The following ANKS1B variants were observed in gnomAD, a reference collection of about 807,000 sequenced individuals.
ANKS1B encodes ankyrin repeat and sterile alpha motif domain containing 1B.
ANKS1B carries 36 observed loss-of-function variants against 148.3 expected under a neutral mutation model. That is an observed-to-expected ratio of 0.24 (90% CI 0.19 to 0.32). The LOEUF (loss-of-function observed/expected upper bound fraction) is 0.32, where lower values mean the gene tolerates loss of function less well. Ranked by LOEUF, ANKS1B falls within the 10% of genes least tolerant of loss-of-function variation. ANKS1B has a pLI of 1.00. For missense variants in ANKS1B, 1,157 were observed against 1,542.6 expected (o/e 0.75, Z 4.19); for synonymous variants, 542 against 560.8 (o/e 0.97, Z 0.47).
At chr12:99,054,354 A>C (rs531441337) in intron 16 of ANKS1B, among the ~76,000 whole-genome samples, 1 of 152,318 alleles carries the variant, frequency 6.6e-6, no homozygotes, top group African/African-American at 2.4e-5. Flanking sequence ...TTGCGAGCAG[A>C]GAAAAGATTA....
At chr12:98,742,120 T>C (rs1277981635), downstream of ANKS1B, among the ~76,000 whole-genome samples, 1 of 152,230 alleles carries the variant, frequency 6.6e-6, no homozygotes, top group Non-Finnish European at 1.5e-5. Flanking sequence ...AACATGCATA[T>C]TAGCTCATCT....
chr12:99,210,933 C>T (rs1366518313), intron 14 of ANKS1B, among the ~76,000 whole-genome samples: 2 of 152,326 alleles, frequency 1.3e-5, no homozygotes, highest in African/African-American at 4.8e-5. Flanking sequence ...AGCCATCTCT[C>T]AAACTTCAAA....
rs137880406 is a variant in ANKS1B, at chr12:99,954,425, T to C, written c.134+29679A>G. Among the ~76,000 whole-genome samples the C allele has an allele frequency of 3.3e-3, 509 of 152,340 alleles. 7 individuals carry two copies. Among genetic ancestry groups the C allele is most frequent in the African/African-American group, 0.012 (481 of 41,566 alleles). ...CTTTGTCCAAACACTACTCCTCCAC[T>C]ACAATCTAAAATAGTTGCATTTCCA... On this transcript the variant is annotated intron_variant, in intron 1 of 26. Coordinates refer to ENST00000683438, the MANE Select transcript of ANKS1B (RefSeq NM_001352186.2).
chr12:98,878,807 G>A (rs916564438), intron 17 of ANKS1B, among the ~76,000 whole-genome samples: 1 of 152,106 alleles, frequency 6.6e-6, no homozygotes, highest in Non-Finnish European at 1.5e-5. Flanking sequence ...TGGCCAGAGT[G>A]CCCCTTTGAG....
At chr12:98,968,907 T>C (rs1245476959) in intron 17 of ANKS1B, among the ~76,000 whole-genome samples, 5 of 152,188 alleles carry the variant, frequency 3.3e-5, no homozygotes, top group African/African-American at 1.2e-4. Flanking sequence ...AAGCAGTGTT[T>C]GGGCACAGTA....
chr12:99,430,053 A>G (rs2095341765), intron 11 of ANKS1B, among the ~76,000 whole-genome samples: 1 of 148,310 alleles, frequency 6.7e-6, no homozygotes. Context: ...TTCCAGGAAA[A>G]AAAAAAAAAG....
At chr12:99,893,076 G>T (rs1021287164) in intron 1 of ANKS1B, among the ~76,000 whole-genome samples, 6 of 152,150 alleles carry the variant, frequency 3.9e-5, no homozygotes, top group South Asian at 4.2e-4. Context: ...TCATTAATTG[G>T]TAGAGATAAC....
intron 17 of ANKS1B, among the ~76,000 whole-genome samples, chr12:98,944,766 G>A (rs368568445): frequency 1.3e-5 from 2 of 152,136 alleles, no homozygotes; most frequent in African/African-American, 4.8e-5. Context: ...CTTGCTATGC[G>A]GATTTAAGAG....
At chr12:98,832,386 C>T (rs1566971587) in intron 17 of ANKS1B, among the ~76,000 whole-genome samples, 1 of 152,174 alleles carries the variant, frequency 6.6e-6, no homozygotes, top group East Asian at 1.9e-4. Context: ...GCCTGAGAGC[C>T]TCATTCCCAA....
At chr12:98,769,957 A>G (rs992647328) in intron 25 of ANKS1B, among the ~76,000 whole-genome samples, 1 of 152,162 alleles carries the variant, frequency 6.6e-6, no homozygotes, top group Non-Finnish European at 1.5e-5. Flanking sequence ...CACTTTTTCA[A>G]TCCTTTCGTA....
chr12:99,369,414 A>G (rs890891383), intron 12 of ANKS1B, among the ~76,000 whole-genome samples: 2 of 152,206 alleles, frequency 1.3e-5, no homozygotes, highest in African/African-American at 4.8e-5. Context: ...ATGTTGGTGG[A>G]CTGTTCTAGA....
chr12:99,223,268 G>T (rs2085387672), intron 14 of ANKS1B, among the ~76,000 whole-genome samples: 1 of 152,178 alleles, frequency 6.6e-6, no homozygotes, highest in African/African-American at 2.4e-5. Context: ...TCAGGGACCG[G>T]TGTTATGGAA....
intron 15 of ANKS1B, among the ~76,000 whole-genome samples, chr12:99,150,296 C>T (rs1236639429): frequency 6.6e-6 from 1 of 152,150 alleles, no homozygotes; most frequent in Non-Finnish European, 1.5e-5. Context: ...ACTTGAGAAG[C>T]TTTCAGTCTA....
intron 9 of ANKS1B, among the ~76,000 whole-genome samples, chr12:99,547,794 T>C (rs925337665): frequency 6.6e-6 from 1 of 152,178 alleles, no homozygotes; most frequent in Non-Finnish European, 1.5e-5. Flanking sequence ...ATCAGGTATG[T>C]TTTATTTTCT....
At chr12:99,976,044 C>A (rs1026039960) in intron 1 of ANKS1B, among the ~76,000 whole-genome samples, 1 of 152,148 alleles carries the variant, frequency 6.6e-6, no homozygotes, top group African/African-American at 2.4e-5. Flanking sequence ...ATGTCCTCTG[C>A]AGCAACATGG....
At position 98,829,623 on chromosome 12, in the gene ANKS1B, A is replaced by G. The variant is rs567719017; in HGVS notation, c.2887-270T>C. Among the ~76,000 whole-genome samples the G allele has an allele frequency of 1.5e-4, 23 of 152,340 alleles. No homozygotes were observed. The highest frequency in any genetic ancestry group is 4.6e-4 in the African/African-American group (19 of 41,578). On this transcript the variant is annotated intron_variant, in intron 18 of 26. Coordinates refer to ENST00000683438, the MANE Select transcript of ANKS1B (RefSeq NM_001352186.2). This position sits in a 1 kb window ranked among gnomAD's most constrained non-coding sequence, Gnocchi z 5.2. ...TCATGGATGGTCTCAGGAGGGAGGC[A>G]CACCTATGTTGGGCACCTCTGACAC...
At chr12:99,525,508 T>G (rs1393133949) in intron 9 of ANKS1B, among the ~76,000 whole-genome samples, 2 of 152,128 alleles carry the variant, frequency 1.3e-5, no homozygotes, top group Non-Finnish European at 2.9e-5. Context: ...GTACAATAAT[T>G]GAAAGGCAAG....
chr12:99,160,935 T>C (rs951802303), intron 14 of ANKS1B, among the ~76,000 whole-genome samples: 3 of 152,196 alleles, frequency 2.0e-5, no homozygotes, highest in Non-Finnish European at 2.9e-5. Context: ...ATTTTGTTTA[T>C]TGTAGCCTTA....
At chr12:98,838,248 T>C (rs548739899) in intron 17 of ANKS1B, among the ~76,000 whole-genome samples, 1 of 152,328 alleles carries the variant, frequency 6.6e-6, no homozygotes, top group East Asian at 1.9e-4. Flanking sequence ...TCTATCATCC[T>C]ACAATTTCCG....
Sources: gnomAD v4.1 joint callset for allele counts (sites outside exome capture counted in the v4.1 genomes callset) on GRCh38, gnomAD v4.1.1 for gene constraint, Gnocchi (gnomAD v3.1) non-coding constraint, MANE v1.5 for transcripts, NCBI Gene and HGNC (gene_info 2026-07-23, HGNC 2026-07-21) for gene names.